Variants in SYT1 observed in about 807,000 individuals in gnomAD.
SYT1 encodes the protein synaptotagmin-1.
A neutral mutation model predicts 44.8 loss-of-function variants in SYT1; 8 were observed. That is an observed-to-expected ratio of 0.18 (90% CI 0.10 to 0.32). The LOEUF is 0.32. Among genes scored for constraint, SYT1 ranks in the 10% least tolerant of loss-of-function variants. The probability of loss-of-function intolerance (pLI) is 1.00; values close to 1 mark genes in which losing one functional copy is unlikely to be tolerated. For synonymous variants in SYT1, 154 were observed against 188.8 expected, an observed-to-expected ratio of 0.82 and a Z score of 1.51; for missense variants, 286 against 509.3, an observed-to-expected ratio of 0.56 and a Z score of 4.22.
In SYT1 at chr12:79,064,922, TAGAGAGAA is replaced by T. The variant is rs1178789300; in HGVS notation, c.-18+17564_-18+17571del. Reference sequence around the variant, plus strand: ...CAGCCCCACTCTTTAGACAAAAAAATAGAGAGAAAGAAAGAAAGAAAGAAAGAAAGAAA... The same window carrying T: ...CAGCCCCACTCTTTAGACAAAAAAATAGAAAGAAAGAAAGAAAGAAAGAAA... On this transcript the variant is annotated intron_variant, in intron 3 of 10. Coordinates refer to ENST00000261205, the MANE Select transcript of SYT1 (RefSeq NM_005639.3). Among the ~76,000 whole-genome samples the T allele has an allele frequency of 8.3e-5, 6 of 72,502 alleles. No homozygotes were observed. The South Asian group carries it at 1.2e-3, about 15-fold the overall frequency. The allele number at this position is 72,502 out of a possible 152,430, so 47.6% of individuals were successfully genotyped here.
At chr12:79,173,921 A>C (rs1310363789) in intron 3 of SYT1, among the ~76,000 whole-genome samples, 1 of 152,060 alleles carries the variant, frequency 6.6e-6, no homozygotes, top group Admixed American at 6.6e-5. Context: ...ATTCTATGAA[A>C]GTAGTGTATC....
chr12:79,225,788 C>A (rs1875481198), intron 4 of SYT1, among the ~76,000 whole-genome samples: 1 of 152,264 alleles, frequency 6.6e-6, no homozygotes, highest in Middle Eastern at 3.4e-3. Context: ...CTCATTTACC[C>A]ATTTCCTTTT....
At chr12:79,118,564 C>G (rs1340571843) in intron 3 of SYT1, among the ~76,000 whole-genome samples, 1 of 152,114 alleles carries the variant, frequency 6.6e-6, no homozygotes, top group Non-Finnish European at 1.5e-5. Context: ...TTTAATAAAG[C>G]AAACAGCACT....
chr12:79,123,544 C>T (rs925006495), intron 3 of SYT1, among the ~76,000 whole-genome samples: 30 of 152,116 alleles, frequency 2.0e-4, no homozygotes, highest in East Asian at 1.9e-4. Context: ...TTAACCACAG[C>T]GCTGCATTCT....
intron 3 of SYT1, among the ~76,000 whole-genome samples, chr12:79,052,753 A>C (rs1347969702): frequency 3.3e-5 from 5 of 152,210 alleles, no homozygotes; most frequent in Non-Finnish European, 7.3e-5. Flanking sequence ...GACACATGAA[A>C]AAATGCTCAT....
chr12:79,394,093 A>G (rs1449246525), intron 9 of SYT1, among the ~76,000 whole-genome samples: 2 of 152,242 alleles, frequency 1.3e-5, no homozygotes, highest in Admixed American at 6.5e-5. Flanking sequence ...GCTGCATTAA[A>G]GACATAATAT....
At chr12:79,077,685 CAA>C (rs1565795450) in intron 3 of SYT1, among the ~76,000 whole-genome samples, 1 of 152,174 alleles carries the variant, frequency 6.6e-6, no homozygotes, top group Non-Finnish European at 1.5e-5. Flanking sequence ...TAAATTTTGA[CAA>C]GAGCATTACA....
chr12:79,037,025 C>T (rs1279904837), intron 2 of SYT1, among the ~76,000 whole-genome samples: 1 of 151,744 alleles, frequency 6.6e-6, no homozygotes, highest in Non-Finnish European at 1.5e-5. Context: ...TTACTTTTGT[C>T]ATTATGTAAC....
At chr12:79,044,193 G>A (rs530250807) in intron 2 of SYT1, among the ~76,000 whole-genome samples, 90 of 152,186 alleles carry the variant, frequency 5.9e-4, no homozygotes, top group African/African-American at 2.2e-3. Flanking sequence ...GATTGGGGAA[G>A]TTCTCCTGGA....
chr12:79,211,624 T>A (rs1161363424), intron 3 of SYT1, among the ~76,000 whole-genome samples: 1 of 129,006 alleles, frequency 7.8e-6, no homozygotes, highest in Non-Finnish European at 1.6e-5. Flanking sequence ...CAGAGTGTGA[T>A]ATTCCCCTTC....
chr12:78,936,492 T>C (rs1232765400), intron 1 of SYT1, among the ~76,000 whole-genome samples: 2 of 152,176 alleles, frequency 1.3e-5, no homozygotes, highest in Non-Finnish European at 2.9e-5. Context: ...AGATTGGCCT[T>C]GTAGGTATGC....
intron 3 of SYT1, among the ~76,000 whole-genome samples, chr12:79,103,285 T>C (rs2138060039): frequency 6.6e-6 from 1 of 152,268 alleles, no homozygotes; most frequent in South Asian, 2.1e-4. Context: ...ACATTACCAC[T>C]TTTAAAATAA....
intron 4 of SYT1, among the ~76,000 whole-genome samples, chr12:79,223,862 T>A (rs1875323725): frequency 6.6e-6 from 1 of 152,208 alleles, no homozygotes; most frequent in African/African-American, 2.4e-5. Context: ...GCAGTTGCAA[T>A]GCTAGGCTCC....
chr12:79,307,832 C>T (rs947828607), intron 8 of SYT1, among the ~76,000 whole-genome samples: 1 of 152,198 alleles, frequency 6.6e-6, no homozygotes, highest in Non-Finnish European at 1.5e-5. Flanking sequence ...GTCTTGCTGG[C>T]AAATGCGGCC....
intron 3 of SYT1, among the ~76,000 whole-genome samples, chr12:79,081,845 C>T (rs977774928): frequency 2.0e-5 from 3 of 152,146 alleles, no homozygotes; most frequent in African/African-American, 7.2e-5. Flanking sequence ...TTCTGCTCTG[C>T]TTTCCCCAGG....
intron 4 of SYT1, among the ~76,000 whole-genome samples, chr12:79,269,593 G>A (rs937868987): frequency 4.6e-5 from 7 of 152,120 alleles, no homozygotes; most frequent in Non-Finnish European, 1.0e-4. Context: ...TTGCCTTGAT[G>A]CTCTGAGAAA....
intron 4 of SYT1, among the ~76,000 whole-genome samples, chr12:79,227,924 A>G (rs1031807754): frequency 6.6e-6 from 1 of 152,156 alleles, no homozygotes; most frequent in Non-Finnish European, 1.5e-5. Context: ...AAAATTCCGG[A>G]AACTTTGCAG....
At chr12:79,171,704 T>G (rs79630230) in intron 3 of SYT1, among the ~76,000 whole-genome samples, 1 of 152,104 alleles carries the variant, frequency 6.6e-6, no homozygotes, top group East Asian at 1.9e-4. Flanking sequence ...ATTAGAACCA[T>G]AAGTTCTGGA....
In SYT1 at chr12:78,897,263, C is replaced by A. The variant is rs573400385; in HGVS notation, c.-217+32154C>A. On this transcript the variant is annotated intron_variant, in intron 1 of 10. Coordinates refer to ENST00000261205, the MANE Select transcript of SYT1 (RefSeq NM_005639.3). ...ATTTATCTTTAAAAATGTCAAATACCAGGATACTTTTAATGATTTTTGAGC... is the reference window on the plus strand; with the variant it reads ...ATTTATCTTTAAAAATGTCAAATACAAGGATACTTTTAATGATTTTTGAGC... 2.4e-4 allele frequency among the ~76,000 whole-genome samples: 37 copies of A among 151,444 alleles called. No homozygotes were observed. The South Asian group carries it at 4.8e-3, about 20-fold the overall frequency.
Sources: gnomAD v4.1 joint callset for allele counts (sites outside exome capture counted in the v4.1 genomes callset) on GRCh38, gnomAD v4.1.1 for gene constraint, MANE v1.5 for transcripts, NCBI Gene and HGNC (gene_info 2026-07-23, HGNC 2026-07-21) for gene names.